The following TRIM37 variants were observed in gnomAD, a reference collection of about 807,000 sequenced individuals.
The protein encoded by TRIM37 is tripartite motif containing 37, also known as E3 ubiquitin-protein ligase TRIM37.
Under a neutral mutation model 129.8 loss-of-function variants are expected in TRIM37, and 80 were observed. The ratio of observed to expected loss-of-function variants is 0.62; its 90% CI spans 0.51 to 0.74. The LOEUF (loss-of-function observed/expected upper bound fraction) is 0.74. TRIM37 is among the 30% of genes least tolerant of loss of function. TRIM37 has a pLI of 0.00. For synonymous variants in TRIM37, 389 were observed against 387.1 expected (o/e 1.00, Z -0.06); for missense variants, 1,054 against 1,176.5 (o/e 0.90, Z 1.52).
the TRIM37 span, among the ~76,000 whole-genome samples, chr17:58,972,630 C>T: frequency 3.9e-5 from 6 of 152,260 alleles, no homozygotes; most frequent in South Asian, 4.1e-4. Flanking sequence ...GGATTATAGG[C>T]GTGAGCCACC....
At chr17:58,981,618 TGTG>T (rs1404124497), downstream of TRIM37, 1 of 152,658 alleles carries the variant, frequency 6.6e-6, no homozygotes, top group East Asian at 1.9e-4. Flanking sequence ...TTCTCAGACT[TGTG>T]AGGCGGTTTA....
At chr17:59,036,204 T>TG (rs1296265092) in intron 17 of TRIM37, among the ~76,000 whole-genome samples, 32 of 152,102 alleles carry the variant, frequency 2.1e-4, no homozygotes, top group Non-Finnish European at 3.4e-4. Context: ...GGCCAGGAGT[T>TG]GGAGACCAGC....
intron 16 of TRIM37, among the ~76,000 whole-genome samples, chr17:59,046,553 T>C (rs572684800): frequency 1.1e-5 from 1 of 91,730 alleles, no homozygotes; most frequent in Non-Finnish European, 2.1e-5. Flanking sequence ...TTTTTTTTTT[T>C]TTGAGACAGA....
intron 24 of TRIM37, among the ~76,000 whole-genome samples, chr17:58,991,237 A>G (rs1006551789): frequency 1.3e-5 from 2 of 151,728 alleles, no homozygotes; most frequent in African/African-American, 4.8e-5. Context: ...GAATTCTACT[A>G]AACAGTTAAA....
intron 16 of TRIM37, among the ~76,000 whole-genome samples, chr17:59,045,151 C>T (rs2039644159): frequency 6.6e-6 from 1 of 151,838 alleles, no homozygotes; most frequent in African/African-American, 2.4e-5. Context: ...ACGGTGAAAC[C>T]CCATCTCTAT....
rs534905463 is a variant in TRIM37, at chr17:59,021,397, A to G, written c.2258-3973T>C. Among the ~76,000 whole-genome samples, 6 of 152,264 alleles carry G rather than the reference A, an allele frequency of 3.9e-5. No homozygotes were observed. In the East Asian group the frequency reaches 1.2e-3, roughly 29 times the overall value. ...GCAACAGAGTGAGACTCTATCTCAA[A>G]AAACAAAAAAAAAATGTGGTACATA... On this transcript the variant is annotated intron_variant, in intron 19 of 23. Transcript: ENST00000262294.
rs34467573 is a variant in TRIM37 at position 59,075,563 on chromosome 17, CAAAA to C, written c.684+80_684+83del. The C allele has an allele frequency of 3.3e-3, 1,615 of 488,654 alleles. 1 individual carries two copies. The highest frequency in any genetic ancestry group is 4.9e-3 in the East Asian group (104 of 21,440). The allele number at this position is 488,654 out of a possible 1,614,324, so 30.3% of individuals were successfully genotyped here. On this transcript the variant is annotated intron_variant, in intron 8 of 23. Coordinates refer to ENST00000262294, the MANE Select transcript of TRIM37 (RefSeq NM_015294.6). ...TGGGCGACAGAGAGAGACTCCATCT[CAAAA>C]AAAAAAAAAAAAAAAAACAACTACA...
intron 2 of TRIM37, among the ~76,000 whole-genome samples, chr17:59,101,242 C>A (rs1240950130): frequency 1.3e-5 from 2 of 152,042 alleles, no homozygotes; most frequent in African/African-American, 4.8e-5. Context: ...GGTCTGAACA[C>A]AAGGCTAACA....
At chr17:58,991,409 G>A (rs1219527105) in intron 24 of TRIM37, among the ~76,000 whole-genome samples, 1 of 152,002 alleles carries the variant, frequency 6.6e-6, no homozygotes, top group African/African-American at 2.4e-5. Context: ...GGTGGCAGGT[G>A]CCTGTAATCC....
chr17:58,999,000 A>C lies in TRIM37; in HGVS notation c.*377T>G. On this transcript the variant is annotated 3_prime_UTR_variant, in exon 24 of 24. Transcript: ENST00000262294. Reference sequence around the variant, plus strand: ...AAACACAACTAAGCTCTAGCCAAAGACAGTAGAGCACCAATGCCGGGCGGG... The same window carrying C: ...AAACACAACTAAGCTCTAGCCAAAGCCAGTAGAGCACCAATGCCGGGCGGG... 9.1e-7 allele frequency: 1 copy of C among 1,099,384 alleles called. No individual in the cohort carries two copies. Among genetic ancestry groups the C allele is most frequent in the Non-Finnish European group, 1.1e-6 (1 of 897,766 alleles). 68.1% of individuals were successfully genotyped at this position (1,099,384 alleles called of 1,614,324 possible).
chr17:59,072,097 ATGAC>A (rs1007750534), intron 8 of TRIM37, among the ~76,000 whole-genome samples: 13 of 152,160 alleles, frequency 8.5e-5, no homozygotes, highest in African/African-American at 3.1e-4. Context: ...TTAATCTAAC[ATGAC>A]TGGTGTCCTT....
At chr17:59,087,451 CCTCT>C (rs1275468485) in intron 4 of TRIM37, among the ~76,000 whole-genome samples, 2 of 148,858 alleles carry the variant, frequency 1.3e-5, no homozygotes, top group Non-Finnish European at 3.0e-5. Flanking sequence ...CATAATTAAG[CCTCT>C]TTCTTTTTTT....
chr17:59,011,167 T>G (rs2144881478), intron 22 of TRIM37, among the ~76,000 whole-genome samples: 1 of 151,094 alleles, frequency 6.6e-6, no homozygotes, highest in Admixed American at 6.6e-5. Context: ...AGACTCCGTC[T>G]CGGGGAAAAA....
At chr17:58,985,232 T>C (rs1235640797) in intron 24 of TRIM37, 1 of 152,666 alleles carries the variant, frequency 6.6e-6, no homozygotes, top group East Asian at 1.9e-4. Flanking sequence ...ACTGTTTAAA[T>C]TTGTGCAGAT....
chr17:58,999,115 C>T lies in TRIM37; in HGVS notation c.*262G>A, dbSNP rs1417478474. 4 of 1,282,006 alleles carry T rather than the reference C, an allele frequency of 3.1e-6. No homozygotes were observed. Among genetic ancestry groups the T allele is most frequent in the Non-Finnish European group, 4.0e-6 (4 of 1,008,590 alleles). The allele number at this position is 1,282,006 out of a possible 1,614,324, so 79.4% of individuals were successfully genotyped here. On this transcript the variant is annotated 3_prime_UTR_variant, in exon 24 of 24. Transcript: ENST00000262294. ...AGACAAACTGCCTTTTGTGAATGTA[C>T]AAATTTGCTAAATTAATAGAGAACT...
intron 2 of TRIM37, among the ~76,000 whole-genome samples, chr17:59,099,926 C>T (rs2045304729): frequency 6.6e-6 from 1 of 152,150 alleles, no homozygotes; most frequent in Non-Finnish European, 1.5e-5. Context: ...GCCTCAGGCT[C>T]CCAAGGAGCT....
chr17:59,057,436 G>C (rs1249363531), intron 12 of TRIM37, among the ~76,000 whole-genome samples: 1 of 152,230 alleles, frequency 6.6e-6, no homozygotes, highest in Non-Finnish European at 1.5e-5. Context: ...TTGAACTCCT[G>C]ACCTCAGGTG....
rs148704807 is a variant in TRIM37, at chr17:59,093,026, T to C, written c.124-1686A>G. On this transcript the variant is annotated intron_variant, in intron 2 of 23. Transcript: ENST00000262294. ...TGAGCCAGGTGTGGTGGCATGAGCA[T>C]GTAGTCCCAGCTACTCAGGAGGCTG... Among the ~76,000 whole-genome samples, 997 of 152,104 alleles carry C rather than the reference T, an allele frequency of 6.6e-3. 7 individuals are homozygous for C. The highest frequency in any genetic ancestry group is 0.022 in the African/African-American group (933 of 41,476).
At chr17:58,982,725 A>G (rs1177280561) in exon 25 of TRIM37, 1 of 526,812 alleles carries the variant, frequency 1.9e-6, no homozygotes, top group Non-Finnish European at 3.4e-6. Flanking sequence ...TTTTCTCTTG[A>G]TTTTGAAGTC....
Sources: allele counts gnomAD v4.1 joint callset (sites outside exome capture counted in the v4.1 genomes callset), GRCh38; gene constraint gnomAD v4.1.1; transcripts MANE v1.5; gene names NCBI Gene and HGNC (gene_info 2026-07-23, HGNC 2026-07-21).